The following NHSL2 variants were observed in gnomAD, a reference collection of about 807,000 sequenced individuals.
NHSL2 encodes NHS like 2, also known as NHS-like protein 2.
A neutral mutation model predicts 53.4 loss-of-function variants in NHSL2; 27 were observed. The ratio of observed to expected loss-of-function variants is 0.51; its 90% CI spans 0.37 to 0.70. The LOEUF is 0.70. Ranked by LOEUF, NHSL2 falls within the 30% of genes least tolerant of loss-of-function variation. The pLI, the probability that NHSL2 is intolerant of heterozygous loss-of-function variation, is 0.00. For missense variants in NHSL2, 892 were observed against 980.1 expected, an observed-to-expected ratio of 0.91 and a Z score of 1.20; for synonymous variants, 408 against 404.1, an observed-to-expected ratio of 1.01 and a Z score of -0.12.
rs10580313 is a variant in NHSL2, at chrX:72,080,571, C to CGTGTGTGTGTGTGT, written c.281-51489_281-51476dup. ...ATAAAAGTGATGGAGGAATTCTGCA[C>CGTGTGTGTGTGTGT]GTGTGTGTGTGTGTGTGTGTGTGTG... On this transcript the variant is annotated intron_variant, in intron 1 of 7. Coordinates refer to ENST00000633930, the MANE Select transcript of NHSL2 (RefSeq NM_001013627.3). Among the ~76,000 whole-genome samples the CGTGTGTGTGTGTGT allele has an allele frequency of 2.0e-3, 196 of 97,139 alleles. 1 individual carries two copies. The highest frequency in any genetic ancestry group is 6.9e-3 in the East Asian group (20 of 2,912). The allele number at this position is 97,139 out of a possible 115,157, so 84.4% of individuals were successfully genotyped here.
chrX:72,063,245 A>G (rs1405264298), intron 1 of NHSL2, among the ~76,000 whole-genome samples: 1 of 111,636 alleles, frequency 9.0e-6, no homozygotes, highest in Non-Finnish European at 1.9e-5. Context: ...CCCCAAACTC[A>G]CTTTCTATGT....
chrX:72,025,978 G>A (rs772824263), intron 1 of NHSL2, among the ~76,000 whole-genome samples: 2 of 112,494 alleles, frequency 1.8e-5, no homozygotes, highest in Non-Finnish European at 3.8e-5. Context: ...ATTCAGTGAA[G>A]TAATACACAT....
intron 1 of NHSL2, among the ~76,000 whole-genome samples, chrX:72,114,020 T>C (rs1204537501): frequency 8.9e-6 from 1 of 112,102 alleles, no homozygotes; most frequent in African/African-American, 3.2e-5. Context: ...TGGCAGAAAA[T>C]AGTTATTGTG....
chrX:71,946,992 C>T (rs751550979), intron 1 of NHSL2, among the ~76,000 whole-genome samples: 127 of 112,214 alleles, frequency 1.1e-3, no homozygotes, highest in Non-Finnish European at 1.8e-3. Flanking sequence ...GTGGAGAGGT[C>T]GCCAAAGATT....
intron 1 of NHSL2, among the ~76,000 whole-genome samples, chrX:72,019,059 C>A (rs1400435987): frequency 8.9e-6 from 1 of 112,436 alleles, no homozygotes; most frequent in African/African-American, 3.2e-5. Context: ...GTCGTCCCCA[C>A]TCTCGCCAGA....
At chrX:72,131,557 G>A in intron 1 of NHSL2, 2 of 1,150,696 alleles carry the variant, frequency 1.7e-6, no homozygotes, top group South Asian at 2.1e-5. Context: ...AAGCCCAGGG[G>A]CCCTGGGGCT....
intron 1 of NHSL2, among the ~76,000 whole-genome samples, chrX:72,025,168 T>G (rs1408829792): frequency 8.9e-6 from 1 of 112,388 alleles, no homozygotes; most frequent in Non-Finnish European, 1.9e-5. Context: ...AACCTCACAA[T>G]GTACCCTATA....
chrX:72,022,645 C>G (rs767388625), intron 1 of NHSL2, among the ~76,000 whole-genome samples: 1 of 111,858 alleles, frequency 8.9e-6, no homozygotes, highest in Admixed American at 9.4e-5. Context: ...AAGGCCCCAT[C>G]TCCCCGTACC....
chrX:71,914,116 G>A (rs1297286294), intron 1 of NHSL2, among the ~76,000 whole-genome samples: 1 of 112,339 alleles, frequency 8.9e-6, no homozygotes, highest in East Asian at 2.8e-4. Flanking sequence ...CAGGACTGCC[G>A]AAGGCCCCTG....
chrX:72,106,731 A>C (rs778000430), intron 1 of NHSL2, among the ~76,000 whole-genome samples: 1 of 112,245 alleles, frequency 8.9e-6, no homozygotes, highest in Admixed American at 9.4e-5. Flanking sequence ...CATCAATGAT[A>C]GACTGGATTA....
intron 1 of NHSL2, among the ~76,000 whole-genome samples, chrX:71,977,424 TC>T (rs1289505945): frequency 3.0e-5 from 1 of 33,892 alleles, no homozygotes; most frequent in Non-Finnish European, 1.3e-4. Flanking sequence ...TCTCTCTCTC[TC>T]TTTTTTTTTT....
rs1246941107 is a variant in NHSL2, at chrX:72,075,742, CATGTAAAGCACCTGCT to C, written c.281-56331_281-56316del. On this transcript the variant is annotated intron_variant, in intron 1 of 7. Coordinates refer to ENST00000633930, the MANE Select transcript of NHSL2 (RefSeq NM_001013627.3). ...GTTGTGAGGATGAAATCAGGTGCTGCATGTAAAGCACCTGCTATGTAGTAAGCAAGGAGCGTGTGTG... is the reference window on the plus strand; with the variant it reads ...GTTGTGAGGATGAAATCAGGTGCTGCATGTAGTAAGCAAGGAGCGTGTGTG... 2.7e-5 allele frequency among the ~76,000 whole-genome samples: 3 copies of C among 111,236 alleles called. No homozygotes were observed. In the East Asian group the frequency reaches 8.4e-4, roughly 31 times the overall value.
At chrX:71,973,442 A>C (rs1449282918) in intron 1 of NHSL2, among the ~76,000 whole-genome samples, 1 of 111,892 alleles carries the variant, frequency 8.9e-6, no homozygotes, top group African/African-American at 3.3e-5. Context: ...CAGTGCCCTC[A>C]GGCATGAACT....
At chrX:72,123,430 C>T (rs1233939633) in intron 1 of NHSL2, among the ~76,000 whole-genome samples, 7 of 111,581 alleles carry the variant, frequency 6.3e-5, no homozygotes, top group African/African-American at 1.3e-4. Flanking sequence ...ATTCAAAGGC[C>T]CACGGCCCCC....
chrX:72,114,076 A>T (rs1413427891), intron 1 of NHSL2, among the ~76,000 whole-genome samples: 1 of 112,330 alleles, frequency 8.9e-6, no homozygotes, highest in African/African-American at 3.2e-5. Context: ...TGTTTACAGT[A>T]TGATTCCATC....
chrX:72,050,232 A>G (rs1387895130), intron 1 of NHSL2, among the ~76,000 whole-genome samples: 4 of 110,938 alleles, frequency 3.6e-5, no homozygotes, highest in South Asian at 3.9e-4. Context: ...TTCGTGTACT[A>G]TTTATTGTTT....
chrX:71,983,854 C>T (rs1270463475), intron 1 of NHSL2, among the ~76,000 whole-genome samples: 1 of 111,464 alleles, frequency 9.0e-6, no homozygotes, highest in Non-Finnish European at 1.9e-5. Context: ...TCACTCTCAT[C>T]GCCATCTTGG....
At chrX:72,087,976 G>A (rs1602358496) in intron 1 of NHSL2, among the ~76,000 whole-genome samples, 2 of 100,280 alleles carry the variant, frequency 2.0e-5, no homozygotes, top group South Asian at 9.8e-4. Flanking sequence ...AGGCCGAGGC[G>A]GGCTGCTCCC....
chrX:72,081,842 T>C (rs1002336547), intron 1 of NHSL2, among the ~76,000 whole-genome samples: 5 of 112,611 alleles, frequency 4.4e-5, no homozygotes, highest in African/African-American at 1.6e-4. Context: ...TATTTAACCT[T>C]CCGTCCTGTA....
Sources: gnomAD v4.1 joint callset for allele counts (sites outside exome capture counted in the v4.1 genomes callset) on GRCh38, gnomAD v4.1.1 for gene constraint, MANE v1.5 for transcripts, NCBI Gene and HGNC (gene_info 2026-07-23, HGNC 2026-07-21) for gene names.